SMAP2: variants seen among roughly 807,000 people sequenced by gnomAD.
SMAP2 encodes the protein small ArfGAP2.
In SMAP2, 25 loss-of-function variants were observed where a neutral mutation model predicts 56.4. The observed-to-expected ratio is 0.44, with a 90% CI of 0.32 to 0.62. The LOEUF is 0.62. Ranked by LOEUF, SMAP2 falls within the 20% of genes least tolerant of loss-of-function variation. The pLI, the probability that SMAP2 is intolerant of heterozygous loss-of-function variation, is 0.04. For missense variants in SMAP2, 388 were observed against 545.6 expected (o/e 0.71, Z 2.88); for synonymous variants, 157 against 181.7 (o/e 0.86, Z 1.09).
intron 1 of SMAP2, among the ~76,000 whole-genome samples, chr1:40,356,353 G>A (rs1319818303): frequency 6.6e-6 from 1 of 151,908 alleles, no homozygotes; most frequent in African/African-American, 2.4e-5. Flanking sequence ...ACCTTGCAAT[G>A]GGATTGCTGG....
intron 9 of SMAP2, among the ~76,000 whole-genome samples, chr1:40,417,418 G>A (rs908929625): frequency 6.6e-6 from 1 of 152,034 alleles, no homozygotes; most frequent in Admixed American, 6.6e-5. Flanking sequence ...ATCTCATTTG[G>A]TAGACAGAAT....
At chr1:40,402,650 C>T (rs569244351) in intron 1 of SMAP2, among the ~76,000 whole-genome samples, 45 of 152,178 alleles carry the variant, frequency 3.0e-4, no homozygotes, top group African/African-American at 9.9e-4. Context: ...GGGGTTTCAC[C>T]GTGTTGGCCA....
upstream of SMAP2, among the ~76,000 whole-genome samples, chr1:40,371,934 A>G (rs1329159886): frequency 6.6e-6 from 1 of 152,240 alleles, no homozygotes; most frequent in Non-Finnish European, 1.5e-5. Context: ...ACCTGCTCAA[A>G]GTCACACAGA....
intron 9 of SMAP2, among the ~76,000 whole-genome samples, chr1:40,418,626 T>G (rs961791037): frequency 1.3e-5 from 2 of 152,118 alleles, no homozygotes; most frequent in African/African-American, 4.8e-5. Context: ...ATTCAAAATG[T>G]TTAGGGGTCC....
chr1:40,357,707 T>G (rs388538), intron 1 of SMAP2, among the ~76,000 whole-genome samples: 27,168 of 152,166 alleles, frequency 0.18, 3,375 homozygotes, highest in African/African-American at 0.35. Context: ...CAATATTCTT[T>G]GCATCTTTGC....
At chr1:40,417,481 G>A (rs970038208) in intron 9 of SMAP2, among the ~76,000 whole-genome samples, 1 of 152,080 alleles carries the variant, frequency 6.6e-6, no homozygotes. Flanking sequence ...AAATCCAGCG[G>A]AGCCAGCATC....
intron 1 of SMAP2, among the ~76,000 whole-genome samples, chr1:40,357,054 TTC>T (rs1349403165): frequency 2.0e-5 from 3 of 152,186 alleles, no homozygotes; most frequent in Admixed American, 6.5e-5. Flanking sequence ...TCCTTATATA[TTC>T]TGTTTATTAA....
At chr1:40,395,959 T>C (rs79667908) in intron 1 of SMAP2, among the ~76,000 whole-genome samples, 1 of 152,316 alleles carries the variant, frequency 6.6e-6, no homozygotes, top group East Asian at 1.9e-4. Flanking sequence ...ACCTCCTTTT[T>C]CCGGTTACCT....
At chr1:40,395,283 T>C (rs1460097233) in intron 1 of SMAP2, among the ~76,000 whole-genome samples, 1 of 152,202 alleles carries the variant, frequency 6.6e-6, no homozygotes, top group Non-Finnish European at 1.5e-5. Context: ...GGATGACTGA[T>C]TGATAGTTCT....
intron 1 of SMAP2, among the ~76,000 whole-genome samples, chr1:40,356,114 C>T (rs1414051132): frequency 1.3e-5 from 2 of 152,184 alleles, no homozygotes; most frequent in East Asian, 3.8e-4. Flanking sequence ...GCTCATTTCA[C>T]TAACATAATG....
rs1644655529 is a variant in SMAP2, at chr1:40,386,450, T to A, written c.103+12227T>A. 6.6e-6 allele frequency among the ~76,000 whole-genome samples: 1 copy of A among 152,176 alleles called. No individual in the cohort carries two copies. The highest frequency in any genetic ancestry group is 1.5e-5 in the Non-Finnish European group (1 of 68,026). On this transcript the variant is annotated intron_variant, in intron 1 of 9. Coordinates refer to ENST00000372718, the MANE Select transcript of SMAP2 (RefSeq NM_022733.3). This position sits in a 1 kb window ranked among gnomAD's most constrained non-coding sequence, Gnocchi z 4.1. ...TATATGAAAGAGAAAGGAAGCTTCA[T>A]TAAATGAAACATTGGAATCAGGAAG...
chr1:40,423,319 G>A lies in SMAP2; in HGVS notation c.*1218G>A, dbSNP rs1331306347. ...GTAAATTCCTTAATAAATATTGCAG[G>A]GAAGGACTGTTTGCTTGGCCATTAC... On this transcript the variant is annotated 3_prime_UTR_variant, in exon 10 of 10. Transcript: ENST00000372718. 1 of 152,636 alleles carries A rather than the reference G, an allele frequency of 6.6e-6. No individual in the cohort carries two copies. The highest frequency in any genetic ancestry group is 2.4e-5 in the African/African-American group (1 of 41,448). The allele number at this position is 152,636 out of a possible 1,614,324, so 9.5% of individuals were successfully genotyped here. A position where few individuals can be genotyped will look rare whatever the true frequency, so the allele number is the denominator to read the frequency against.
chr1:40,378,462 G>T (rs988533985), intron 1 of SMAP2, among the ~76,000 whole-genome samples: 1 of 152,084 alleles, frequency 6.6e-6, no homozygotes, highest in African/African-American at 2.4e-5. Flanking sequence ...GATGGGCAAA[G>T]ATTTATTTAT....
chr1:40,406,639 C>T, intron 1 of SMAP2, 97 bp from the exon 2 acceptor site: 1 of 1,354,428 alleles, frequency 7.4e-7, no homozygotes, highest in Non-Finnish European at 1.0e-6. Flanking sequence ...AATTATTTCA[C>T]TTATGTTCTA....
intron 4 of SMAP2, among the ~76,000 whole-genome samples, chr1:40,412,638 C>T (rs1272825273): frequency 6.6e-6 from 1 of 152,096 alleles, no homozygotes. Context: ...GTAAGATGAA[C>T]TTATTCACTA....
At chr1:40,376,928 T>G (rs12405270) in intron 1 of SMAP2, among the ~76,000 whole-genome samples, 2,016 of 152,332 alleles carry the variant, frequency 0.013, 119 homozygotes, top group Admixed American at 0.12. Flanking sequence ...ATGACTTTTA[T>G]TTTTAAATTC....
At position 40,416,935 on chromosome 1, in the gene SMAP2, A is replaced by G. The variant is rs1390669681; in HGVS notation, c.1003A>G (p.Met335Val). The change falls in exon 9 of 10, where the codon ATG becomes GTG. Residue 335 changes from methionine to valine, a missense_variant. Coordinates refer to ENST00000372718, the MANE Select transcript of SMAP2 (RefSeq NM_022733.3). ...GASGMVAPMA[M>V]PAGYMGGMQA... ...TTCTGGGATGGTTGCCCCCATGGCC[A>G]TGCCTGCAGGCTATATGGGTGGCAT... The G allele has an allele frequency of 2.5e-6, 4 of 1,614,192 alleles. No homozygotes were observed. The highest frequency in any genetic ancestry group is 1.7e-5 in the Admixed American group (1 of 60,028).
intron 1 of SMAP2, among the ~76,000 whole-genome samples, chr1:40,390,052 C>T (rs576148556): frequency 3.3e-5 from 5 of 151,786 alleles, no homozygotes; most frequent in African/African-American, 1.2e-4. Flanking sequence ...GTGTTCTATT[C>T]TGAAACGCCT....
Position 40,416,310 on chromosome 1 carries a change from T to C in SMAP2, c.816T>C (p.Tyr272=). 1 of 1,614,142 alleles carries C rather than the reference T, an allele frequency of 6.2e-7. No homozygotes were observed. Residue 272 remains tyrosine (Y), a synonymous_variant, in exon 8 of 10, where the codon TAT becomes TAC. Coordinates refer to ENST00000372718, the MANE Select transcript of SMAP2 (RefSeq NM_022733.3). ...CTAAAGACTCCATTCTTTCACTGTA[T>C]GGATCCCAGACGCCTCAAATGCCTA... is the stretch of plus-strand genomic sequence containing the variant. ...QLSKDSILSL[Y]GSQTPQMPTQ...
Sources: gnomAD v4.1 joint callset for allele counts (sites outside exome capture counted in the v4.1 genomes callset) on GRCh38, gnomAD v4.1.1 for gene constraint, Gnocchi (gnomAD v3.1) non-coding constraint, MANE v1.5 for transcripts, NCBI Gene and HGNC (gene_info 2026-07-23, HGNC 2026-07-21) for gene names.